Variants in DHX40 observed in about 807,000 individuals in gnomAD.
The protein encoded by DHX40 is DEAH-box helicase 40, also known as probable ATP-dependent RNA helicase DHX40.
DHX40 carries 28 observed loss-of-function variants against 89.6 expected under a neutral mutation model. The ratio of observed to expected loss-of-function variants is 0.31; its 90% CI spans 0.23 to 0.43. The LOEUF is 0.43. Ranked by LOEUF, DHX40 falls within the 20% of genes least tolerant of loss-of-function variation. DHX40 has a pLI of 1.00. For synonymous variants in DHX40, 226 were observed against 283.6 expected, an observed-to-expected ratio of 0.80 and a Z score of 2.04; for missense variants, 457 against 844.0, an observed-to-expected ratio of 0.54 and a Z score of 5.68.
At chr17:59,571,842 A>T (rs920544317) in intron 3 of DHX40, among the ~76,000 whole-genome samples, 15 of 152,130 alleles carry the variant, frequency 9.9e-5, no homozygotes, top group African/African-American at 2.9e-4. Context: ...AAGTGCTGGG[A>T]TTACAGGGTA....
intron 17 of DHX40, 189 bp downstream of exon 17, chr17:59,605,863 G>A: frequency 1.5e-6 from 1 of 664,118 alleles, no homozygotes; most frequent in Non-Finnish European, 2.7e-6. Context: ...GACTTGGGAG[G>A]CTGATGCAGG....
In DHX40 at chr17:59,575,250, G is replaced by A; in HGVS notation, c.842-90G>A. 3.8e-6 allele frequency: 4 copies of A among 1,046,642 alleles called. No individual in the cohort carries two copies. In the South Asian group the frequency reaches 6.1e-5, roughly 16 times the overall value. 64.8% of individuals were successfully genotyped at this position (1,046,642 alleles called of 1,614,324 possible). On this transcript the variant is annotated intron_variant, in intron 6 of 17. Transcript: ENST00000251241. ...ATGAGAGATTTACAATAACTTTTAG[G>A]CAAAATTAATTTTAATCTTGACATT... is the stretch of plus-strand genomic sequence containing the variant.
At chr17:59,570,808 G>GA in intron 3 of DHX40, 145 bp downstream of exon 3, 3 of 696,410 alleles carry the variant, frequency 4.3e-6, no homozygotes, top group African/African-American at 1.9e-5. Flanking sequence ...TCAGCCCCTT[G>GA]GGTAGCTGGG....
chr17:59,595,222 T>G (rs1179691192), intron 12 of DHX40, among the ~76,000 whole-genome samples: 1 of 151,858 alleles, frequency 6.6e-6, no homozygotes, highest in Non-Finnish European at 1.5e-5. Flanking sequence ...TAGCTGAGAT[T>G]ACAGGCATGT....
chr17:59,570,295 A>G (rs922075698), intron 2 of DHX40, among the ~76,000 whole-genome samples: 2 of 125,820 alleles, frequency 1.6e-5, no homozygotes, highest in Non-Finnish European at 3.2e-5. Context: ...ATATATATTT[A>G]TATATTATAT....
At chr17:59,568,611 G>A (rs907870649) in intron 2 of DHX40, among the ~76,000 whole-genome samples, 1 of 152,046 alleles carries the variant, frequency 6.6e-6, no homozygotes, top group Non-Finnish European at 1.5e-5. Flanking sequence ...ATAAAATAGA[G>A]CAGTTATGAC....
At chr17:59,602,721 G>A (rs2030609281) in intron 15 of DHX40, 105 bp downstream of exon 15, 2 of 998,276 alleles carry the variant, frequency 2.0e-6, no homozygotes, top group African/African-American at 3.3e-5. Flanking sequence ...TAAGCTCTGT[G>A]ATGATTATGA....
At chr17:59,602,654 ATAC>A (rs937100313) in intron 15 of DHX40, 38 bp downstream of exon 15, 1 of 1,511,808 alleles carries the variant, frequency 6.6e-7, no homozygotes. Flanking sequence ...TCAAGATATA[ATAC>A]TGTATTTGAC....
At chr17:59,571,472 AAT>A (rs2048807799) in intron 3 of DHX40, among the ~76,000 whole-genome samples, 1 of 150,474 alleles carries the variant, frequency 6.6e-6, no homozygotes, top group Non-Finnish European at 1.5e-5. Flanking sequence ...AAAAAAAAAA[AAT>A]GTGTTCACAA....
intron 3 of DHX40, among the ~76,000 whole-genome samples, chr17:59,571,910 C>T (rs182939705): frequency 2.0e-5 from 3 of 152,250 alleles, no homozygotes; most frequent in Non-Finnish European, 2.9e-5. Context: ...AATTTGCCTA[C>T]TCCGGGTACC....
At chr17:59,606,894 T>G (rs1027964183) in intron 17 of DHX40, 139 bp from the exon 18 acceptor site, 8 of 868,246 alleles carry the variant, frequency 9.2e-6, no homozygotes, top group Non-Finnish European at 1.2e-5. Flanking sequence ...ACATTGCTTT[T>G]GAAAGGGCAA....
intron 8 of DHX40, among the ~76,000 whole-genome samples, 185 bp downstream of exon 8, chr17:59,577,550 G>T (rs1206495319): frequency 6.6e-6 from 1 of 151,370 alleles, no homozygotes. Context: ...AGGAAATGGA[G>T]TAGGAGGTAC....
At chr17:59,571,122 GACCATTTT>G (rs1428767479) in intron 3 of DHX40, among the ~76,000 whole-genome samples, 1 of 151,688 alleles carries the variant, frequency 6.6e-6, no homozygotes, top group Non-Finnish European at 1.5e-5. Flanking sequence ...ACTTAAAATC[GACCATTTT>G]ACTATTTTGG....
chr17:59,604,084 A>G (rs1451502481), intron 15 of DHX40: 2 of 152,244 alleles, frequency 1.3e-5, no homozygotes, highest in Non-Finnish European at 2.9e-5. Flanking sequence ...TATAAAGGAT[A>G]TTATTAAGAC....
intron 14 of DHX40, among the ~76,000 whole-genome samples, chr17:59,600,334 GAAA>G (rs138860950): frequency 6.9e-6 from 1 of 145,410 alleles, no homozygotes; most frequent in Non-Finnish European, 1.5e-5. Flanking sequence ...ACTGATGAGA[GAAA>G]AAAAAAAATC....
rs1465334104 is a variant in DHX40, at chr17:59,565,658, T to G, written c.-14T>G. On this transcript the variant is annotated 5_prime_UTR_variant, in exon 1 of 18. Coordinates refer to ENST00000251241, the MANE Select transcript of DHX40 (RefSeq NM_024612.5). ...GATCGGTGGACGTGCTCGCCTCCAC[T>G]CGGGGCCAGGTCTATGTCCCGGTTT... The G allele has an allele frequency of 1.3e-6, 2 of 1,595,606 alleles. No homozygotes were observed. The highest frequency in any genetic ancestry group is 1.7e-6 in the Non-Finnish European group (2 of 1,177,028).
At chr17:59,568,752 A>G (rs1195771185) in intron 2 of DHX40, among the ~76,000 whole-genome samples, 1 of 151,966 alleles carries the variant, frequency 6.6e-6, no homozygotes, top group African/African-American at 2.4e-5. Flanking sequence ...AAGAGGGACT[A>G]CTGTATTAGT....
At position 59,607,254 on chromosome 17, in the gene DHX40, T is replaced by G; in HGVS notation, c.*82T>G. ...CTTTGCCAGTTATTTCAGACAGCAC[T>G]ACCAAGAGGAGGTGGTCAGCACTTG... On this transcript the variant is annotated 3_prime_UTR_variant, in exon 18 of 18. Coordinates refer to ENST00000251241, the MANE Select transcript of DHX40 (RefSeq NM_024612.5). 1 of 1,613,714 alleles carries G rather than the reference T, an allele frequency of 6.2e-7. No homozygotes were observed. Among genetic ancestry groups the G allele is most frequent in the Non-Finnish European group, 8.5e-7 (1 of 1,179,876 alleles).
chr17:59,602,392 G>A (rs1447996162), intron 14 of DHX40, 130 bp from the exon 15 acceptor site: 1 of 723,618 alleles, frequency 1.4e-6, no homozygotes, highest in African/African-American at 1.8e-5. Context: ...CAGGTGGAAG[G>A]GTAAATCTGG....
Sources: allele counts gnomAD v4.1 joint callset (sites outside exome capture counted in the v4.1 genomes callset), GRCh38; gene constraint gnomAD v4.1.1; transcripts MANE v1.5; gene names NCBI Gene and HGNC (gene_info 2026-07-23, HGNC 2026-07-21).